MYO16: variants seen among roughly 807,000 people sequenced by gnomAD.
MYO16 encodes the protein myosin XVI.
MYO16 carries 94 observed loss-of-function variants against 205.3 expected under a neutral mutation model. The observed-to-expected ratio is 0.46, with a 90% confidence interval of 0.39 to 0.54. MYO16 has a LOEUF of 0.54. MYO16 is among the 20% of genes least tolerant of loss of function. The probability of loss-of-function intolerance (pLI) is 0.00; values close to 1 mark genes in which losing one functional copy is unlikely to be tolerated. For missense variants in MYO16, 2,315 were observed against 2,387.5 expected, an observed-to-expected ratio of 0.97 and a Z score of 0.63; for synonymous variants, 988 against 954.0, an observed-to-expected ratio of 1.04 and a Z score of -0.66.
chr13:108,837,906 G>A (rs2139056596), intron 9 of MYO16, among the ~76,000 whole-genome samples: 1 of 152,104 alleles, frequency 6.6e-6, no homozygotes, highest in African/African-American at 2.4e-5. Context: ...TTTGTTCGTA[G>A]CTTGACCAAT....
upstream of MYO16, among the ~76,000 whole-genome samples, chr13:108,595,873 A>G (rs1333033914): frequency 7.0e-6 from 1 of 142,682 alleles, no homozygotes; most frequent in Non-Finnish European, 1.5e-5. Context: ...AAATTCAGAA[A>G]TTAAGTCCTT....
At chr13:108,771,742 T>C (rs1029629644) in intron 4 of MYO16, among the ~76,000 whole-genome samples, 40 of 152,306 alleles carry the variant, frequency 2.6e-4, no homozygotes, top group African/African-American at 9.1e-4. Context: ...CTTGAAATCA[T>C]ACAATGTTTA....
chr13:109,017,845 A>G (rs538691367), intron 22 of MYO16, among the ~76,000 whole-genome samples: 19 of 151,450 alleles, frequency 1.3e-4, no homozygotes, highest in African/African-American at 3.9e-4. Flanking sequence ...TACACTGGTT[A>G]TTCTAGTTAG....
chr13:109,140,165 G>A lies in MYO16; in HGVS notation c.4052-99G>A, dbSNP rs1876972504. The A allele has an allele frequency of 6.6e-7, 1 of 1,517,414 alleles. No homozygotes were observed. The highest frequency in any genetic ancestry group is 8.7e-7 in the Non-Finnish European group (1 of 1,144,338). 94.0% of individuals were successfully genotyped at this position (1,517,414 alleles called of 1,614,324 possible). A position where few individuals can be genotyped will look rare whatever the true frequency, so the allele number is the denominator to read the frequency against. ...CAGGCCCGGTCCCTTGGGATTCTCG[G>A]GGCACGGGGCCGTGGCTCCCTCCGA... is the stretch of plus-strand genomic sequence containing the variant. On this transcript the variant is annotated intron_variant, in intron 31 of 34. Coordinates refer to ENST00000457511, the MANE Select transcript of MYO16 (RefSeq NM_001198950.3). The surrounding 1 kb of genome is among the most constrained non-coding windows in gnomAD (Gnocchi z 8.0).
intron 30 of MYO16, among the ~76,000 whole-genome samples, chr13:109,126,434 T>C (rs1299582401): frequency 2.0e-5 from 3 of 152,214 alleles, no homozygotes; most frequent in Non-Finnish European, 2.9e-5. Context: ...CCTTGTAGAA[T>C]GAATGCATTG....
At chr13:108,750,104 G>A (rs749130588) in intron 4 of MYO16, among the ~76,000 whole-genome samples, 11 of 152,210 alleles carry the variant, frequency 7.2e-5, no homozygotes, top group Non-Finnish European at 1.6e-4. Context: ...TTTGGAGATC[G>A]AAGAGGAAAG....
chr13:108,786,411 G>T (rs148132388), intron 5 of MYO16, among the ~76,000 whole-genome samples: 279 of 152,286 alleles, frequency 1.8e-3, no homozygotes, highest in Non-Finnish European at 3.3e-3. Context: ...TTAAACTAAA[G>T]AATTATGCCC....
intron 8 of MYO16, 79 bp from the exon 9 acceptor site, chr13:108,823,046 C>T (rs1460017157): frequency 1.6e-5 from 21 of 1,312,378 alleles, no homozygotes; most frequent in East Asian, 4.6e-5. Flanking sequence ...TTAAGCATAT[C>T]GGAATTATTG....
chr13:108,555,919 G>C, the MYO16 span, among the ~76,000 whole-genome samples: 1 of 152,150 alleles, frequency 6.6e-6, no homozygotes, highest in Non-Finnish European at 1.5e-5. Flanking sequence ...CGTTGCAAAT[G>C]ACAGAATTTC....
intron 2 of MYO16, among the ~76,000 whole-genome samples, chr13:108,691,920 G>A (rs1882912101): frequency 6.6e-6 from 1 of 152,056 alleles, no homozygotes; most frequent in Non-Finnish European, 1.5e-5. Flanking sequence ...CTCTATATGG[G>A]GCAAGTCCTT....
In MYO16 at chr13:109,019,911, G is replaced by T; in HGVS notation, c.2796G>T (p.Arg932Ser). ...TAFTIMHYAG[R>S]VMYDVVGAIE... is the part of the protein sequence containing the mutation. ...TCACCATCATGCACTACGCAGGAAG[G>T]GTAAGTGGCCAGAACTGCATAATTT... The change falls in exon 23 of 35, where the codon AGG becomes AGT. Residue 932 changes from arginine to serine, a missense_variant and splice_region_variant. Coordinates refer to ENST00000457511, the MANE Select transcript of MYO16 (RefSeq NM_001198950.3). 6.2e-7 allele frequency: 1 copy of T among 1,613,930 alleles called. No individual in the cohort carries two copies. Among genetic ancestry groups the T allele is most frequent in the Non-Finnish European group, 8.5e-7 (1 of 1,179,922 alleles).
At chr13:108,584,491 T>G in the MYO16 span, among the ~76,000 whole-genome samples, 5 of 151,388 alleles carry the variant, frequency 3.3e-5, no homozygotes, top group Non-Finnish European at 7.4e-5. Context: ...TCCAAATCTT[T>G]CTTATAATTA....
chr13:109,056,311 C>T (rs1453630183), intron 27 of MYO16, among the ~76,000 whole-genome samples: 1 of 152,092 alleles, frequency 6.6e-6, no homozygotes, highest in Non-Finnish European at 1.5e-5. Context: ...GTAGCCTTAT[C>T]CCAGCCATTT....
chr13:108,992,876 T>C (rs1028434523), intron 21 of MYO16, among the ~76,000 whole-genome samples: 1 of 152,198 alleles, frequency 6.6e-6, no homozygotes, highest in Non-Finnish European at 1.5e-5. Flanking sequence ...CATAGGACTA[T>C]TGGAAAATCA....
At chr13:108,871,401 A>G (rs1338636774) in intron 12 of MYO16, among the ~76,000 whole-genome samples, 2 of 151,240 alleles carry the variant, frequency 1.3e-5, no homozygotes, top group African/African-American at 4.9e-5. Context: ...ATATTTACTG[A>G]CATCCACGGA....
the MYO16 span, among the ~76,000 whole-genome samples, chr13:108,575,819 G>A: frequency 1.1e-4 from 16 of 152,240 alleles, no homozygotes; most frequent in Admixed American, 9.8e-4. Context: ...CCTGTACCTG[G>A]CAAGGCTAAT....
At chr13:108,498,590 A>G in the MYO16 span, among the ~76,000 whole-genome samples, 1 of 152,254 alleles carries the variant, frequency 6.6e-6, no homozygotes, top group East Asian at 1.9e-4. Context: ...TCCAGAGAGC[A>G]AAGAGTGAGC....
chr13:109,059,430 A>G (rs1404109561), intron 27 of MYO16, among the ~76,000 whole-genome samples: 1 of 152,214 alleles, frequency 6.6e-6, no homozygotes, highest in African/African-American at 2.4e-5. Flanking sequence ...TGCATTGTCA[A>G]TAAGCACCAG....
chr13:108,696,072 T>A (rs1263025312), intron 2 of MYO16, among the ~76,000 whole-genome samples: 2 of 152,202 alleles, frequency 1.3e-5, no homozygotes, highest in African/African-American at 4.8e-5. Flanking sequence ...CATTAAATAA[T>A]CAATAATCCA....
Sources: allele counts gnomAD v4.1 joint callset (sites outside exome capture counted in the v4.1 genomes callset), GRCh38; gene constraint gnomAD v4.1.1; non-coding constraint Gnocchi (gnomAD v3.1); transcripts MANE v1.5; gene names NCBI Gene and HGNC (gene_info 2026-07-23, HGNC 2026-07-21).